Variants in ROPN1L observed in about 807,000 individuals in gnomAD.
The protein encoded by ROPN1L is ropporin-1-like protein.
In ROPN1L, 23 loss-of-function variants were observed where a neutral mutation model predicts 22.7. The ratio of observed to expected loss-of-function variants is 1.01; its 90% CI spans 0.73 to 1.43. The LOEUF is 1.43. ROPN1L is among the 40% of genes most tolerant of loss of function. The pLI is 0.00. For synonymous variants in ROPN1L, 116 were observed against 117.8 expected (o/e 0.98, Z 0.10); for missense variants, 271 against 291.5 (o/e 0.93, Z 0.51).
chr5:10,482,725 C>T, the ROPN1L span, among the ~76,000 whole-genome samples: 2 of 152,262 alleles, frequency 1.3e-5, no homozygotes, highest in South Asian at 4.2e-4. Flanking sequence ...CAGGTCAACT[C>T]GGAATCTGTC....
At position 10,456,592 on chromosome 5, in the gene ROPN1L, G is replaced by A. The variant is rs560134067; in HGVS notation, c.418-4592G>A. Among the ~76,000 whole-genome samples, 3 of 152,364 alleles carry A rather than the reference G, an allele frequency of 2.0e-5. No individual in the cohort carries two copies. In the East Asian group the frequency reaches 5.8e-4, roughly 29 times the overall value. The stretch of plus-strand genomic sequence containing the variant: ...GCCACACAGCAGACGGCAGCATGGG[G>A]CAGCCATGCCAAGGAGAGGGTCTTT... On this transcript the variant is annotated intron_variant, in intron 3 of 4. Coordinates refer to ENST00000274134, the MANE Select transcript of ROPN1L (RefSeq NM_031916.5).
chr5:10,476,079 C>T (rs1005186631), downstream of ROPN1L, among the ~76,000 whole-genome samples: 5 of 152,224 alleles, frequency 3.3e-5, no homozygotes, highest in African/African-American at 1.2e-4. Context: ...CTATTACCTC[C>T]CCTCACATGC....
At chr5:10,446,386 C>T (rs537247048) in intron 1 of ROPN1L, among the ~76,000 whole-genome samples, 9 of 152,142 alleles carry the variant, frequency 5.9e-5, no homozygotes, top group Admixed American at 1.3e-4. Flanking sequence ...AGGCCGGGTG[C>T]GGTGGCTCAC....
At chr5:10,453,816 A>G (rs1741331635) in intron 3 of ROPN1L, among the ~76,000 whole-genome samples, 1 of 151,942 alleles carries the variant, frequency 6.6e-6, no homozygotes, top group South Asian at 2.1e-4. Context: ...TCATTCCACA[A>G]ATGTTTACTG....
chr5:10,461,108 C>T, intron 3 of ROPN1L, 76 bp from the exon 4 acceptor site: 6 of 1,366,192 alleles, frequency 4.4e-6, no homozygotes, highest in Non-Finnish European at 6.1e-6. Context: ...AGTGTTGATT[C>T]TGCTGATGCC....
chr5:10,470,706 A>C (rs1312466135), intron 4 of ROPN1L, among the ~76,000 whole-genome samples: 4 of 152,240 alleles, frequency 2.6e-5, no homozygotes, highest in Non-Finnish European at 4.4e-5. Context: ...CTCAAACCCC[A>C]GTCCCATTCT....
Position 10,461,222 on chromosome 5 carries a change from C to T in ROPN1L, c.456C>T (p.Leu152=). Reference sequence around the variant, plus strand: ...CGCTGAAGCACCTGTGCGAGATCCTCACGGACGATCCGGAGGGCGGGCCCG... The same window carrying T: ...CGCTGAAGCACCTGTGCGAGATCCTTACGGACGATCCGGAGGGCGGGCCCG... ...NTALKHLCEI[L]TDDPEGGPAR... The change falls in exon 4 of 5, where the codon CTC becomes CTT. Residue 152 remains leucine (L), a synonymous_variant. Transcript: ENST00000274134. 1.9e-6 allele frequency: 3 copies of T among 1,614,116 alleles called. No individual in the cohort carries two copies. Among genetic ancestry groups the T allele is most frequent in the Non-Finnish European group, 1.7e-6 (2 of 1,180,030 alleles).
At chr5:10,464,201 C>G (rs1342923709) in intron 4 of ROPN1L, among the ~76,000 whole-genome samples, 1 of 152,188 alleles carries the variant, frequency 6.6e-6, no homozygotes, top group African/African-American at 2.4e-5. Context: ...CCCTCTTTTT[C>G]CTCCTTCCTC....
chr5:10,458,845 G>A (rs542687635), intron 3 of ROPN1L, among the ~76,000 whole-genome samples: 6 of 6,356 alleles, frequency 9.4e-4, no homozygotes, highest in African/African-American at 4.1e-3. Context: ...CCCCCCGTAT[G>A]CCCCATCCCC....
chr5:10,444,515 TC>T (rs768363127), intron 1 of ROPN1L, among the ~76,000 whole-genome samples: 13 of 150,780 alleles, frequency 8.6e-5, no homozygotes, highest in Non-Finnish European at 1.3e-4. Context: ...AGTCTCGAAC[TC>T]CTGACCTCAG....
At chr5:10,455,457 G>A (rs1336130470) in intron 3 of ROPN1L, among the ~76,000 whole-genome samples, 1 of 152,198 alleles carries the variant, frequency 6.6e-6, no homozygotes, top group Non-Finnish European at 1.5e-5. Context: ...TCAGGCTCCT[G>A]ACTCCCCTGG....
chr5:10,453,659 A>G (rs951878063), intron 3 of ROPN1L, among the ~76,000 whole-genome samples: 2 of 152,068 alleles, frequency 1.3e-5, no homozygotes, highest in Non-Finnish European at 2.9e-5. Context: ...CCCTGCATCT[A>G]TGGCGGGGGC....
At chr5:10,445,143 G>A (rs1741015085) in intron 1 of ROPN1L, among the ~76,000 whole-genome samples, 1 of 151,888 alleles carries the variant, frequency 6.6e-6, no homozygotes, top group Non-Finnish European at 1.5e-5. Context: ...GCTAATTTTT[G>A]TATTTTTAGT....
the ROPN1L span, among the ~76,000 whole-genome samples, chr5:10,478,946 T>C: frequency 1.3e-5 from 2 of 152,168 alleles, no homozygotes; most frequent in African/African-American, 4.8e-5. Flanking sequence ...GTGATGATGA[T>C]GAGGATGATG....
chr5:10,458,527 A>ATGTACACCATCCCCCG (rs1266819567), intron 3 of ROPN1L, among the ~76,000 whole-genome samples: 3 of 35,564 alleles, frequency 8.4e-5, no homozygotes, highest in Non-Finnish European at 1.5e-4. Context: ...CATCCCCCTC[A>ATGTACACCATCCCCCG]TGTACACCAT....
intron 4 of ROPN1L, among the ~76,000 whole-genome samples, chr5:10,462,373 G>C (rs573475246): frequency 6.6e-6 from 1 of 152,282 alleles, no homozygotes; most frequent in African/African-American, 2.4e-5. Context: ...TAGTATTCAG[G>C]GTGTGTGTAA....
chr5:10,480,939 G>T, the ROPN1L span, among the ~76,000 whole-genome samples: 1 of 152,126 alleles, frequency 6.6e-6, no homozygotes, highest in African/African-American at 2.4e-5. Context: ...GTTTGAGCAG[G>T]GGGAGACAGG....
chr5:10,460,204 A>C (rs1393872986), intron 3 of ROPN1L, among the ~76,000 whole-genome samples: 2 of 152,218 alleles, frequency 1.3e-5, no homozygotes, highest in Non-Finnish European at 2.9e-5. Context: ...GACCTGGGCT[A>C]TGTGTTCTCT....
chr5:10,465,108 T>C (rs1579660417), downstream of ROPN1L: 49 of 456,936 alleles, frequency 1.1e-4, no homozygotes, highest in East Asian at 1.7e-3. Context: ...TGCTTTTCAC[T>C]GTGTCTTTTA....
Sources: allele counts gnomAD v4.1 joint callset (sites outside exome capture counted in the v4.1 genomes callset), GRCh38; gene constraint gnomAD v4.1.1; transcripts MANE v1.5; gene names NCBI Gene and HGNC (gene_info 2026-07-23, HGNC 2026-07-21).